SLIT3: variants seen among roughly 807,000 people sequenced by gnomAD.
SLIT3 encodes slit homolog 3 protein.
Under a neutral mutation model 184.0 loss-of-function variants are expected in SLIT3, and 68 were observed. The observed-to-expected ratio is 0.37, with a 90% CI of 0.30 to 0.45. The LOEUF is 0.45. SLIT3 is among the 20% of genes least tolerant of loss of function. The pLI, the probability that SLIT3 is intolerant of heterozygous loss-of-function variation, is 1.00. For missense variants in SLIT3, 1,707 were observed against 2,026.0 expected, an observed-to-expected ratio of 0.84 and a Z score of 3.02; for synonymous variants, 831 against 828.6, an observed-to-expected ratio of 1.00 and a Z score of -0.05.
rs777460792 is a variant in SLIT3, at chr5:168,671,467, G to A, written c.3858C>T (p.Thr1286=). ...PLYLGGIPTS[T]GLSALRQGTD... ...TGCCCTGGCGCAAGGCAGAGAGGCC[G>A]GTGGAGGTGGGGATGCCTGTGGGAG... The change falls in exon 34 of 36, where the codon ACC becomes ACT. Residue 1286 remains threonine, a synonymous_variant. Transcript: ENST00000519560. 2.2e-5 allele frequency: 36 copies of A among 1,610,776 alleles called. No individual in the cohort carries two copies. The highest frequency in any genetic ancestry group is 8.0e-5 in the African/African-American group (6 of 74,920).
chr5:168,814,619 C>G (rs1757272115), intron 8 of SLIT3, among the ~76,000 whole-genome samples: 1 of 152,206 alleles, frequency 6.6e-6, no homozygotes, highest in Non-Finnish European at 1.5e-5. Context: ...TGCACACTCA[C>G]AGACTGAACC....
At chr5:168,730,384 A>G (rs1399282327) in intron 20 of SLIT3, among the ~76,000 whole-genome samples, 1 of 152,138 alleles carries the variant, frequency 6.6e-6, no homozygotes, top group Non-Finnish European at 1.5e-5. Context: ...TGGACTTAAT[A>G]GACATTTACA....
At chr5:168,867,971 G>T (rs1759368656) in intron 5 of SLIT3, among the ~76,000 whole-genome samples, 1 of 152,188 alleles carries the variant, frequency 6.6e-6, no homozygotes, top group Non-Finnish European at 1.5e-5. Context: ...GACTGGATTT[G>T]CCCAACATGG....
intron 4 of SLIT3, among the ~76,000 whole-genome samples, chr5:169,102,483 T>A (rs1423101792): frequency 3.3e-5 from 5 of 152,186 alleles, no homozygotes; most frequent in Admixed American, 3.3e-4. Context: ...ATATATTAAA[T>A]CATCTCTAGA....
chr5:168,975,719 C>A (rs904604997), intron 4 of SLIT3, among the ~76,000 whole-genome samples: 1 of 152,112 alleles, frequency 6.6e-6, no homozygotes, highest in Non-Finnish European at 1.5e-5. Flanking sequence ...TGGATTTTCC[C>A]CTTTGCTTCC....
intron 3 of SLIT3, among the ~76,000 whole-genome samples, chr5:169,228,668 A>C (rs1764891471): frequency 6.6e-6 from 1 of 152,228 alleles, no homozygotes; most frequent in South Asian, 2.1e-4. Flanking sequence ...TCAGAATACA[A>C]ATTTTTTTAA....
intron 4 of SLIT3, among the ~76,000 whole-genome samples, chr5:169,161,795 G>A (rs1455205206): frequency 6.6e-6 from 1 of 152,096 alleles, no homozygotes; most frequent in Non-Finnish European, 1.5e-5. Context: ...GCTGAGGGTG[G>A]GGCCTCAGGA....
chr5:168,774,144 C>T (rs1433414751), intron 13 of SLIT3, 91 bp downstream of exon 13: 9 of 1,281,720 alleles, frequency 7.0e-6, no homozygotes, highest in African/African-American at 4.5e-5. Context: ...TGGATGTGCT[C>T]GTGCTGCCCT....
intron 8 of SLIT3, among the ~76,000 whole-genome samples, chr5:168,811,977 T>C (rs895905186): frequency 1.3e-5 from 2 of 152,232 alleles, no homozygotes; most frequent in African/African-American, 4.8e-5. Flanking sequence ...CATCAGTGAA[T>C]GAATGGATAC....
chr5:168,902,548 G>A (rs1760905637), intron 4 of SLIT3, among the ~76,000 whole-genome samples: 1 of 152,154 alleles, frequency 6.6e-6, no homozygotes, highest in Non-Finnish European at 1.5e-5. Context: ...TGTTAGTGGG[G>A]GACTGATGCA....
intron 4 of SLIT3, among the ~76,000 whole-genome samples, chr5:168,981,466 G>A (rs1024568710): frequency 6.6e-6 from 1 of 152,158 alleles, no homozygotes; most frequent in Non-Finnish European, 1.5e-5. Flanking sequence ...AATGCATGTG[G>A]TGGAGGTTCC....
Position 168,787,469 on chromosome 5 carries a change from C to T in SLIT3, c.1080-1491G>A, listed in dbSNP as rs2113580665. Among the ~76,000 whole-genome samples the T allele has an allele frequency of 2.0e-5, 3 of 152,346 alleles. No homozygotes were observed. In the Middle Eastern group the frequency reaches 0.01, roughly 518 times the overall value. On this transcript the variant is annotated intron_variant, in intron 11 of 35. Coordinates refer to ENST00000519560, the MANE Select transcript of SLIT3 (RefSeq NM_003062.4). Reference sequence around the variant, plus strand: ...CTTCCCACCCCAGGTCTTGGCTTGACTACCTTCTTCTTGCCTTTCAGGTCT... The same window carrying T: ...CTTCCCACCCCAGGTCTTGGCTTGATTACCTTCTTCTTGCCTTTCAGGTCT...
chr5:168,973,952 C>G (rs1207108449), intron 4 of SLIT3, among the ~76,000 whole-genome samples: 1 of 152,148 alleles, frequency 6.6e-6, no homozygotes, highest in East Asian at 1.9e-4. Context: ...GGATTCCTTG[C>G]TAATGGAGCT....
chr5:168,805,451 C>G (rs1340769367), intron 9 of SLIT3, among the ~76,000 whole-genome samples: 3 of 152,024 alleles, frequency 2.0e-5, no homozygotes, highest in African/African-American at 7.3e-5. Flanking sequence ...AGAAGGGCTC[C>G]ATATAATGAT....
At chr5:168,667,079 CAGG>C (rs1359570092) in intron 35 of SLIT3, among the ~76,000 whole-genome samples, 1 of 152,190 alleles carries the variant, frequency 6.6e-6, no homozygotes, top group African/African-American at 2.4e-5. Context: ...ATTCAAAAAG[CAGG>C]AGATTTCACC....
chr5:168,726,264 G>A (rs1474217814), intron 20 of SLIT3, among the ~76,000 whole-genome samples: 1 of 150,594 alleles, frequency 6.6e-6, no homozygotes. Flanking sequence ...CGATTATGAT[G>A]TACCAAGTAT....
At chr5:168,866,942 G>A (rs933911501) in intron 5 of SLIT3, among the ~76,000 whole-genome samples, 2 of 152,192 alleles carry the variant, frequency 1.3e-5, no homozygotes, top group African/African-American at 4.8e-5. Context: ...GCTAGCAATT[G>A]GCTCAGGACT....
chr5:168,772,580 G>C (rs4867901), intron 14 of SLIT3: 2 of 530,056 alleles, frequency 3.8e-6, no homozygotes, highest in Admixed American at 3.6e-5. Flanking sequence ...TTGTGTGTGT[G>C]TGTGTGTGTG....
intron 1 of SLIT3, among the ~76,000 whole-genome samples, chr5:169,261,758 G>C (rs1766193951): frequency 6.6e-6 from 1 of 152,172 alleles, no homozygotes. Flanking sequence ...CTCCTTGAGT[G>C]GGCAGAACCT....
Sources: gnomAD v4.1 joint callset for allele counts (sites outside exome capture counted in the v4.1 genomes callset) on GRCh38, gnomAD v4.1.1 for gene constraint, MANE v1.5 for transcripts, NCBI Gene and HGNC (gene_info 2026-07-23, HGNC 2026-07-21) for gene names.